The following ANO4 variants were observed in gnomAD, a reference collection of about 807,000 sequenced individuals.
ANO4 encodes anoctamin-4.
In ANO4, 69 loss-of-function variants were observed where a neutral mutation model predicts 141.9. The ratio of observed to expected loss-of-function variants is 0.49; its 90% CI spans 0.40 to 0.59. The LOEUF (loss-of-function observed/expected upper bound fraction) is 0.59, where lower values mean the gene tolerates loss of function less well. Ranked by LOEUF, ANO4 falls within the 20% of genes least tolerant of loss-of-function variation. The pLI is 0.00. For synonymous variants in ANO4, 350 were observed against 394.3 expected, an observed-to-expected ratio of 0.89 and a Z score of 1.33; for missense variants, 894 against 1,162.2, an observed-to-expected ratio of 0.77 and a Z score of 3.36.
chr12:100,755,681 T>A (rs992339732), intron 3 of ANO4, among the ~76,000 whole-genome samples: 2 of 152,194 alleles, frequency 1.3e-5, no homozygotes, highest in African/African-American at 4.8e-5. Context: ...TACCATTAAT[T>A]GTCTTAGCTA....
chr12:100,893,338 C>T (rs748330646), intron 1 of ANO4, among the ~76,000 whole-genome samples: 1 of 151,520 alleles, frequency 6.6e-6, no homozygotes, highest in Non-Finnish European at 1.5e-5. Context: ...GAGGTGTGTT[C>T]ATCAAGTTTT....
At chr12:100,967,604 C>G (rs951285570) in intron 5 of ANO4, among the ~76,000 whole-genome samples, 40 of 130,354 alleles carry the variant, frequency 3.1e-4, no homozygotes, top group East Asian at 6.9e-4. Context: ...CACACACACA[C>G]ACAGAGGACT....
chr12:100,842,061 A>AACCCC (rs1565926522), intron 1 of ANO4: 12 of 51,286 alleles, frequency 2.3e-4, no homozygotes, highest in African/African-American at 4.2e-4. Flanking sequence ...GTAAATATCC[A>AACCCC]CCCCCCCCCC....
At chr12:101,072,636 C>CA (rs1296742648) in intron 14 of ANO4, among the ~76,000 whole-genome samples, 1 of 152,064 alleles carries the variant, frequency 6.6e-6, no homozygotes. Flanking sequence ...AAGAAAGTAA[C>CA]ATCAGAGTGA....
At chr12:101,080,496 C>T (rs988200851) in intron 15 of ANO4, among the ~76,000 whole-genome samples, 2 of 151,954 alleles carry the variant, frequency 1.3e-5, no homozygotes, top group East Asian at 1.9e-4. Context: ...AGGCCAGGTG[C>T]GGTTGCTCAC....
At chr12:101,062,463 G>A (rs921719362) in intron 14 of ANO4, among the ~76,000 whole-genome samples, 5 of 152,206 alleles carry the variant, frequency 3.3e-5, no homozygotes, top group Admixed American at 6.5e-5. Flanking sequence ...GAACATTTAC[G>A]TCTGCTGAAG....
intron 7 of ANO4, among the ~76,000 whole-genome samples, chr12:100,983,856 A>G (rs975028867): frequency 1.3e-5 from 2 of 152,164 alleles, no homozygotes; most frequent in African/African-American, 4.8e-5. Flanking sequence ...CATGTAACAT[A>G]ACATATTCAC....
chr12:100,720,216 A>G (rs761296840), intron 1 of ANO4, among the ~76,000 whole-genome samples: 3 of 152,072 alleles, frequency 2.0e-5, no homozygotes, highest in Non-Finnish European at 2.9e-5. Flanking sequence ...CGTTGTGGTT[A>G]GACTCACAGA....
chr12:100,820,076 C>T (rs1343638818), intron 1 of ANO4, among the ~76,000 whole-genome samples: 4 of 151,846 alleles, frequency 2.6e-5, no homozygotes, highest in African/African-American at 9.7e-5. Context: ...CTCTATTTCC[C>T]TTTTTTCTGC....
Position 101,011,916 on chromosome 12 carries a change from T to C in ANO4, c.735-8118T>C, listed in dbSNP as rs150111624. Among the ~76,000 whole-genome samples, 1,288 of 152,206 alleles carry C rather than the reference T, an allele frequency of 8.5e-3. 12 individuals are homozygous for C. The highest frequency in any genetic ancestry group is 0.014 in the Non-Finnish European group (980 of 68,002). ...CCCTTCCTCCTGAAGTTTTTAACCA[T>C]GCAGATTTTCATACCTTTGAGAATA... On this transcript the variant is annotated intron_variant, in intron 8 of 27. Coordinates refer to ENST00000392977, the MANE Select transcript of ANO4 (RefSeq NM_001286615.2).
At chr12:101,087,480 G>T in intron 17 of ANO4, among the ~76,000 whole-genome samples, 1 of 152,048 alleles carries the variant, frequency 6.6e-6, no homozygotes, top group East Asian at 1.9e-4. Context: ...CAGTGACAGG[G>T]CCACTGCACT....
At chr12:100,734,471 A>G (rs2031521211) in intron 2 of ANO4, among the ~76,000 whole-genome samples, 1 of 152,198 alleles carries the variant, frequency 6.6e-6, no homozygotes, top group Non-Finnish European at 1.5e-5. Flanking sequence ...AGTGACTTAG[A>G]GATCAGAAAA....
intron 7 of ANO4, among the ~76,000 whole-genome samples, chr12:100,982,090 C>A (rs2044493085): frequency 6.6e-6 from 1 of 152,170 alleles, no homozygotes; most frequent in Non-Finnish European, 1.5e-5. Flanking sequence ...ATCAGAACAA[C>A]TTTCTGTAAA....
intron 5 of ANO4, among the ~76,000 whole-genome samples, chr12:100,944,474 T>G (rs913282032): frequency 6.6e-6 from 1 of 152,140 alleles, no homozygotes; most frequent in Non-Finnish European, 1.5e-5. Context: ...TCATAAAAAC[T>G]TATCTAAGCA....
At chr12:100,793,196 T>C (rs1436682853), upstream of ANO4, among the ~76,000 whole-genome samples, 2 of 152,246 alleles carry the variant, frequency 1.3e-5, no homozygotes, top group Non-Finnish European at 2.9e-5. Flanking sequence ...GTTCTTCAAA[T>C]GTTTGCTGAT....
intron 8 of ANO4, among the ~76,000 whole-genome samples, chr12:101,014,491 C>G (rs1472980868): frequency 1.3e-5 from 2 of 152,168 alleles, no homozygotes; most frequent in East Asian, 3.8e-4. Flanking sequence ...CAAGGTCTTC[C>G]TCATGGGGTG....
intron 3 of ANO4, among the ~76,000 whole-genome samples, chr12:100,741,900 G>A (rs80322383): frequency 1.3e-5 from 2 of 152,078 alleles, no homozygotes; most frequent in East Asian, 3.9e-4. Context: ...GCAAAGAGGG[G>A]TGTGAAATGG....
At chr12:101,021,470 G>A (rs916937660) in intron 9 of ANO4, among the ~76,000 whole-genome samples, 6 of 152,172 alleles carry the variant, frequency 3.9e-5, no homozygotes, top group African/African-American at 1.4e-4. Context: ...AGCTGACAAA[G>A]GAGAAATAGT....
chr12:100,813,248 C>T (rs1157626460), intron 1 of ANO4, among the ~76,000 whole-genome samples: 3 of 152,130 alleles, frequency 2.0e-5, no homozygotes, highest in African/African-American at 7.2e-5. Flanking sequence ...AGCAGCTCAG[C>T]CAGGATTATG....
Sources: gnomAD v4.1 joint callset for allele counts (sites outside exome capture counted in the v4.1 genomes callset) on GRCh38, gnomAD v4.1.1 for gene constraint, MANE v1.5 for transcripts, NCBI Gene and HGNC (gene_info 2026-07-23, HGNC 2026-07-21) for gene names.